The following TOX variants were observed in gnomAD, a reference collection of about 807,000 sequenced individuals.
TOX encodes the protein thymocyte selection-associated high mobility group box protein TOX.
TOX carries 11 observed loss-of-function variants against 53.7 expected under a neutral mutation model. The ratio of observed to expected loss-of-function variants is 0.20; its 90% CI spans 0.13 to 0.34. The LOEUF (loss-of-function observed/expected upper bound fraction) is 0.34, where lower values mean the gene tolerates loss of function less well. Ranked by LOEUF, TOX falls within the 10% of genes least tolerant of loss-of-function variation. TOX has a pLI of 1.00. For synonymous variants in TOX, 225 were observed against 245.3 expected (o/e 0.92, Z 0.77); for missense variants, 570 against 664.6 (o/e 0.86, Z 1.56).
At chr8:59,054,158 A>C (rs1315934910) in intron 1 of TOX, among the ~76,000 whole-genome samples, 2 of 152,234 alleles carry the variant, frequency 1.3e-5, no homozygotes, top group Non-Finnish European at 2.9e-5. Context: ...CTACATATGC[A>C]TAATGCCAAT....
chr8:59,042,141 A>G (rs1803599502), intron 1 of TOX, among the ~76,000 whole-genome samples: 1 of 152,266 alleles, frequency 6.6e-6, no homozygotes, highest in Non-Finnish European at 1.5e-5. Flanking sequence ...TGATCGCTAC[A>G]TAGTAAAGGG....
chr8:58,911,446 T>C (rs1421875419), intron 3 of TOX, among the ~76,000 whole-genome samples: 1 of 152,236 alleles, frequency 6.6e-6, no homozygotes, highest in Non-Finnish European at 1.5e-5. Flanking sequence ...TATATATGCA[T>C]ATACTGTATA....
At chr8:58,965,894 G>GTTTTGTT (rs1812887394) in intron 1 of TOX, among the ~76,000 whole-genome samples, 1 of 49,616 alleles carries the variant, frequency 2.0e-5, no homozygotes, top group African/African-American at 7.7e-5. Context: ...ACGAGTCATC[G>GTTTTGTT]TTTTTTTTTT....
intron 3 of TOX, among the ~76,000 whole-genome samples, chr8:58,891,902 T>C (rs1339568717): frequency 6.6e-6 from 1 of 152,232 alleles, no homozygotes; most frequent in African/African-American, 2.4e-5. Context: ...AGAAGTATGA[T>C]ATTCTAATGT....
At chr8:58,818,550 T>C (rs1810219534) in intron 6 of TOX, among the ~76,000 whole-genome samples, 1 of 152,180 alleles carries the variant, frequency 6.6e-6, no homozygotes, top group Non-Finnish European at 1.5e-5. Flanking sequence ...TGAATTTCTG[T>C]AGCCCACGCA....
intron 3 of TOX, among the ~76,000 whole-genome samples, chr8:58,922,238 G>T (rs149343359): frequency 1.1e-4 from 17 of 152,286 alleles, no homozygotes; most frequent in African/African-American, 3.8e-4. Context: ...TGTGCTTTAT[G>T]AATTTTACAG....
Position 59,040,328 on chromosome 8 carries a change from CAA to C in TOX, c.102+78556_102+78557del, listed in dbSNP as rs770561876. Among the ~76,000 whole-genome samples, 397 of 81,292 alleles carry C rather than the reference CAA, an allele frequency of 4.9e-3. 4 individuals are homozygous for C. Among genetic ancestry groups the C allele is most frequent in the African/African-American group, 0.018 (359 of 20,406 alleles). The allele number at this position is 81,292 out of a possible 152,430, so 53.3% of individuals were successfully genotyped here. ...TGGGCGACAGAGCGAGACTCCGTCTCAAAAAAAAAAAAAAAAAAAAAAGAAGC... is the reference window on the plus strand; with the variant it reads ...TGGGCGACAGAGCGAGACTCCGTCTCAAAAAAAAAAAAAAAAAAAAGAAGC... On this transcript the variant is annotated intron_variant, in intron 1 of 8. Transcript: ENST00000361421.
At chr8:58,956,771 A>T (rs1024949833) in intron 2 of TOX, among the ~76,000 whole-genome samples, 2 of 152,126 alleles carry the variant, frequency 1.3e-5, no homozygotes, top group African/African-American at 4.8e-5. Context: ...ACACACCACC[A>T]TGCCTGGCTA....
At chr8:58,810,274 G>T (rs1262369436) in intron 7 of TOX, among the ~76,000 whole-genome samples, 3 of 152,126 alleles carry the variant, frequency 2.0e-5, no homozygotes, top group African/African-American at 7.2e-5. Flanking sequence ...AAAGTGCTGG[G>T]ATTATGGGCA....
At chr8:58,944,850 C>A (rs1812501384) in intron 2 of TOX, among the ~76,000 whole-genome samples, 1 of 152,124 alleles carries the variant, frequency 6.6e-6, no homozygotes, top group Admixed American at 6.6e-5. Flanking sequence ...GATCCATTCT[C>A]CACAATGTCA....
At chr8:59,060,902 A>T (rs1311960741) in intron 1 of TOX, among the ~76,000 whole-genome samples, 1 of 152,176 alleles carries the variant, frequency 6.6e-6, no homozygotes, top group African/African-American at 2.4e-5. Flanking sequence ...ACATTAAGCC[A>T]CTCATAACCA....
At chr8:59,006,091 A>G (rs1369599771) in intron 1 of TOX, among the ~76,000 whole-genome samples, 1 of 152,234 alleles carries the variant, frequency 6.6e-6, no homozygotes, top group Non-Finnish European at 1.5e-5. Flanking sequence ...AGATCTTCTA[A>G]TGTTCAAATA....
intron 5 of TOX, among the ~76,000 whole-genome samples, chr8:58,837,679 G>A (rs184534536): frequency 2.0e-5 from 3 of 152,272 alleles, no homozygotes; most frequent in East Asian, 1.9e-4. Context: ...GGTTCATTTA[G>A]CAAAGAGCAA....
intron 1 of TOX, among the ~76,000 whole-genome samples, chr8:59,032,557 G>A (rs2129420118): frequency 6.6e-6 from 1 of 152,200 alleles, no homozygotes; most frequent in Non-Finnish European, 1.5e-5. Context: ...CTATACCTCT[G>A]GCTAATGCCT....
chr8:59,047,526 ATTGTT>A (rs1184264909), intron 1 of TOX, among the ~76,000 whole-genome samples: 1 of 151,540 alleles, frequency 6.6e-6, no homozygotes. Flanking sequence ...GCCCGGCTGA[ATTGTT>A]CTGCAAATAG....
At chr8:59,064,703 A>G (rs991598050) in intron 1 of TOX, among the ~76,000 whole-genome samples, 2 of 152,144 alleles carry the variant, frequency 1.3e-5, no homozygotes, top group Non-Finnish European at 2.9e-5. Flanking sequence ...ATTTCCTTCT[A>G]TATTTTGGGG....
At chr8:58,911,989 A>T (rs542950683) in intron 3 of TOX, among the ~76,000 whole-genome samples, 1 of 152,226 alleles carries the variant, frequency 6.6e-6, no homozygotes. Context: ...GGCGTGAGCC[A>T]CCGTGCCCGG....
intron 4 of TOX, among the ~76,000 whole-genome samples, chr8:58,843,968 C>A (rs1226355323): frequency 3.3e-5 from 5 of 152,168 alleles, no homozygotes; most frequent in Admixed American, 3.3e-4. Context: ...TGACCACAAA[C>A]TATTTGGGAT....
In TOX at chr8:58,855,633, C is replaced by T. The variant is rs543742028; in HGVS notation, c.412-3828G>A. On this transcript the variant is annotated intron_variant, in intron 3 of 8. Coordinates refer to ENST00000361421, the MANE Select transcript of TOX (RefSeq NM_014729.3). ...TTAACTAAAATTGGTCTCTTTACATCTACCCCAAAGAGTGGTACAAAATTA... is the reference window on the plus strand; with the variant it reads ...TTAACTAAAATTGGTCTCTTTACATTTACCCCAAAGAGTGGTACAAAATTA... 4.6e-5 allele frequency among the ~76,000 whole-genome samples: 7 copies of T among 152,284 alleles called. No individual in the cohort carries two copies. The East Asian group carries it at 1.4e-3, about 29-fold the overall frequency.
Sources: gnomAD v4.1 joint callset for allele counts (sites outside exome capture counted in the v4.1 genomes callset) on GRCh38, gnomAD v4.1.1 for gene constraint, MANE v1.5 for transcripts, NCBI Gene and HGNC (gene_info 2026-07-23, HGNC 2026-07-21) for gene names.